SEMA6D: variants seen among roughly 807,000 people sequenced by gnomAD.
SEMA6D encodes the protein semaphorin 6D, also known as semaphorin-6D.
In SEMA6D, 35 loss-of-function variants were observed where a neutral mutation model predicts 106.6. That is an observed-to-expected ratio of 0.33 (90% CI 0.25 to 0.44). SEMA6D has a LOEUF of 0.44. Among genes scored for constraint, SEMA6D ranks in the 20% least tolerant of loss-of-function variants. SEMA6D has a pLI of 1.00. For synonymous variants in SEMA6D, 499 were observed against 487.7 expected, an observed-to-expected ratio of 1.02 and a Z score of -0.31; for missense variants, 1,185 against 1,345.9, an observed-to-expected ratio of 0.88 and a Z score of 1.87.
At chr15:47,381,385 C>T (rs1018435665) in intron 1 of SEMA6D, among the ~76,000 whole-genome samples, 10 of 152,296 alleles carry the variant, frequency 6.6e-5, no homozygotes, top group East Asian at 3.9e-4. Context: ...ACAGTTACCA[C>T]GAATGACCTC....
rs144576752 is a variant in SEMA6D, at chr15:47,289,251, G to A, written c.-239+104833G>A. Among the ~76,000 whole-genome samples, 632 of 151,826 alleles carry A rather than the reference G, an allele frequency of 4.2e-3. 5 individuals are homozygous for A. The highest frequency in any genetic ancestry group is 0.014 in the African/African-American group (597 of 41,408). ...TCTACTAAATATACAAAAATTAGCC[G>A]GGTGTGGTGGCCTGCACCTGTAATC... On this transcript the variant is annotated intron_variant, in intron 1 of 19. Coordinates refer to the SEMA6D transcript ENST00000558014.
chr15:47,216,095 A>G (rs1294858748), intron 1 of SEMA6D, among the ~76,000 whole-genome samples: 2 of 152,178 alleles, frequency 1.3e-5, no homozygotes, highest in Non-Finnish European at 2.9e-5. Context: ...GGCAACTGAT[A>G]CTATTGAATG....
intron 1 of SEMA6D, chr15:47,718,810 T>C (rs981525961): frequency 2.6e-5 from 4 of 152,258 alleles, no homozygotes; most frequent in African/African-American, 9.6e-5. Context: ...AGAGGCGTTC[T>C]GCAGCCGGGA....
At chr15:47,400,262 G>T (rs894836329) in intron 1 of SEMA6D, among the ~76,000 whole-genome samples, 9 of 152,132 alleles carry the variant, frequency 5.9e-5, no homozygotes, top group African/African-American at 2.2e-4. Context: ...GGCCAGGGTA[G>T]GTGGATGACC....
chr15:47,505,492 A>G (rs2044009733), intron 3 of SEMA6D, among the ~76,000 whole-genome samples: 1 of 152,210 alleles, frequency 6.6e-6, no homozygotes, highest in South Asian at 2.1e-4. Context: ...TGGGGACAAT[A>G]TGAACATGGG....
At chr15:47,621,345 T>C (rs925028357) in intron 4 of SEMA6D, among the ~76,000 whole-genome samples, 15 of 152,174 alleles carry the variant, frequency 9.9e-5, no homozygotes, top group African/African-American at 3.6e-4. Context: ...GTAGGAGTTA[T>C]AAGCACTGTA....
chr15:47,204,725 T>G (rs1161381280), intron 1 of SEMA6D, among the ~76,000 whole-genome samples: 1 of 152,054 alleles, frequency 6.6e-6, no homozygotes, highest in African/African-American at 2.4e-5. Context: ...TAGACGGAGA[T>G]CAAGCAGATC....
At chr15:47,450,246 A>T (rs1252713688) in intron 2 of SEMA6D, among the ~76,000 whole-genome samples, 4 of 152,144 alleles carry the variant, frequency 2.6e-5, no homozygotes, top group African/African-American at 7.2e-5. Flanking sequence ...CTGACCAGAT[A>T]ATGTCAGAGA....
At chr15:47,428,669 G>A (rs1324701414) in intron 2 of SEMA6D, among the ~76,000 whole-genome samples, 1 of 152,012 alleles carries the variant, frequency 6.6e-6, no homozygotes, top group African/African-American at 2.4e-5. Context: ...AGCTACTCAG[G>A]TGGCTGAGGC....
intron 3 of SEMA6D, among the ~76,000 whole-genome samples, chr15:47,583,551 G>A (rs577169110): frequency 1.4e-4 from 21 of 152,246 alleles, no homozygotes; most frequent in African/African-American, 5.1e-4. Flanking sequence ...ATTTTATCAG[G>A]ATTGCGTCCT....
At chr15:47,564,893 A>G (rs1217004521) in intron 3 of SEMA6D, among the ~76,000 whole-genome samples, 1 of 152,182 alleles carries the variant, frequency 6.6e-6, no homozygotes, top group Non-Finnish European at 1.5e-5. Context: ...GGAGAGAAGC[A>G]GCTTGACTTC....
At chr15:47,625,905 A>G (rs925880527) in intron 4 of SEMA6D, among the ~76,000 whole-genome samples, 5 of 152,160 alleles carry the variant, frequency 3.3e-5, no homozygotes, top group African/African-American at 1.2e-4. Context: ...GATCACTTTC[A>G]TAATCCTAAA....
At chr15:47,484,913 G>A (rs979405585) in intron 3 of SEMA6D, among the ~76,000 whole-genome samples, 3 of 152,198 alleles carry the variant, frequency 2.0e-5, no homozygotes, top group Non-Finnish European at 4.4e-5. Context: ...TGTCCTGTGG[G>A]ATAAATCCCA....
chr15:47,527,543 C>G (rs979451278), intron 3 of SEMA6D: 2 of 152,136 alleles, frequency 1.3e-5, no homozygotes, highest in Admixed American at 1.3e-4. Context: ...GAGATTCTTA[C>G]AGAAAATAAA....
chr15:47,383,434 C>T (rs2039711296), intron 1 of SEMA6D, among the ~76,000 whole-genome samples: 1 of 152,208 alleles, frequency 6.6e-6, no homozygotes, highest in South Asian at 2.1e-4. Flanking sequence ...CTCCTATGCC[C>T]TGGCTCATAG....
intron 1 of SEMA6D, among the ~76,000 whole-genome samples, chr15:47,263,246 C>G (rs560446134): frequency 1.3e-5 from 2 of 152,276 alleles, no homozygotes; most frequent in South Asian, 4.1e-4. Context: ...AAACTATCAA[C>G]AGTGTAAGCG....
intron 1 of SEMA6D, among the ~76,000 whole-genome samples, chr15:47,725,175 G>C (rs1176056994): frequency 1.3e-5 from 2 of 152,216 alleles, no homozygotes; most frequent in African/African-American, 4.8e-5. Flanking sequence ...ATGCTCATAT[G>C]AGTTGGACTC....
intron 1 of SEMA6D, among the ~76,000 whole-genome samples, chr15:47,346,903 A>AT: frequency 6.6e-6 from 1 of 151,458 alleles, no homozygotes; most frequent in African/African-American, 2.4e-5. Flanking sequence ...ATTTCTTTTT[A>AT]TTTTTTCTTT....
At chr15:47,644,196 C>G (rs2077539692) in intron 4 of SEMA6D, among the ~76,000 whole-genome samples, 2 of 152,134 alleles carry the variant, frequency 1.3e-5, no homozygotes, top group Admixed American at 1.3e-4. Flanking sequence ...TTTACTCCTT[C>G]AAATATCATG....
Sources: allele counts gnomAD v4.1 joint callset (sites outside exome capture counted in the v4.1 genomes callset), GRCh38; gene constraint gnomAD v4.1.1; transcripts MANE v1.5; gene names NCBI Gene and HGNC (gene_info 2026-07-23, HGNC 2026-07-21).